The following EIF4G3 variants were observed in gnomAD, a reference collection of about 807,000 sequenced individuals.
EIF4G3 encodes the protein eukaryotic translation initiation factor 4 gamma 3.
Under a neutral mutation model 186.4 loss-of-function variants are expected in EIF4G3, and 34 were observed. The ratio of observed to expected loss-of-function variants is 0.18; its 90% CI spans 0.14 to 0.24. The LOEUF (loss-of-function observed/expected upper bound fraction) is 0.24, where lower values mean the gene tolerates loss of function less well. Ranked by LOEUF, EIF4G3 falls within the 10% of genes least tolerant of loss-of-function variation. EIF4G3 has a pLI of 1.00. For synonymous variants in EIF4G3, 673 were observed against 679.5 expected (o/e 0.99, Z 0.15); for missense variants, 1,536 against 1,948.5 (o/e 0.79, Z 3.99).
intron 4 of EIF4G3, among the ~76,000 whole-genome samples, chr1:21,037,880 A>T (rs2093329638): frequency 6.6e-6 from 1 of 152,222 alleles, no homozygotes; most frequent in South Asian, 2.1e-4. Context: ...ACTGTTCCAC[A>T]GCTTTGTCTC....
chr1:21,176,226 A>ACCG lies in EIF4G3; in HGVS notation c.-326_-324dup, dbSNP rs1553339098. ...CCTGATGTTCGGGTGAGGAGGGGGG[A>ACCG]CCGCTGCCGCCGCCGCCGCCGCCGC... On this transcript the variant is annotated 5_prime_UTR_variant, in exon 2 of 37. Transcript: ENST00000602326. 8.7e-5 allele frequency: 35 copies of ACCG among 400,544 alleles called. No homozygotes were observed. Among genetic ancestry groups the ACCG allele is most frequent in the Non-Finnish European group, 1.4e-4 (32 of 232,792 alleles). 24.8% of individuals were successfully genotyped at this position (400,544 alleles called of 1,614,324 possible).
intron 12 of EIF4G3, among the ~76,000 whole-genome samples, chr1:20,961,020 G>C (rs916021460): frequency 6.6e-6 from 1 of 152,124 alleles, no homozygotes; most frequent in African/African-American, 2.4e-5. Flanking sequence ...AATTAAACAA[G>C]ATACTGTTTT....
intron 20 of EIF4G3, among the ~76,000 whole-genome samples, chr1:20,877,615 C>T (rs2081242983): frequency 6.6e-6 from 1 of 152,140 alleles, no homozygotes; most frequent in African/African-American, 2.4e-5. Context: ...CAAATTGGAC[C>T]TAAAAGGTCT....
At chr1:20,953,639 CAA>C (rs2096300722) in intron 12 of EIF4G3, among the ~76,000 whole-genome samples, 1 of 151,820 alleles carries the variant, frequency 6.6e-6, no homozygotes, top group African/African-American at 2.4e-5. Context: ...TTGTTTTGCA[CAA>C]AAAAGGGGTC....
intron 3 of EIF4G3, among the ~76,000 whole-genome samples, chr1:21,087,601 T>C (rs1284433135): frequency 6.6e-6 from 1 of 151,850 alleles, no homozygotes; most frequent in Non-Finnish European, 1.5e-5. Context: ...CTGACCAACC[T>C]GAGCAACATC....
intron 4 of EIF4G3, among the ~76,000 whole-genome samples, chr1:21,027,168 AT>A (rs1276388658): frequency 6.6e-6 from 1 of 151,102 alleles, no homozygotes; most frequent in African/African-American, 2.4e-5. Flanking sequence ...TGGCTAGTAT[AT>A]ATATGTGTAC....
At chr1:20,980,118 T>C (rs1434763997) in intron 10 of EIF4G3, among the ~76,000 whole-genome samples, 1 of 152,058 alleles carries the variant, frequency 6.6e-6, no homozygotes, top group African/African-American at 2.4e-5. Flanking sequence ...GGATGATCAC[T>C]TGAGCCCAGG....
intron 29 of EIF4G3, among the ~76,000 whole-genome samples, chr1:20,845,846 A>C (rs2070806403): frequency 1.3e-5 from 2 of 152,130 alleles, no homozygotes; most frequent in South Asian, 4.1e-4. Context: ...GTAGAATGTC[A>C]GTGGGAGTTT....
intron 14 of EIF4G3, among the ~76,000 whole-genome samples, chr1:20,920,231 T>A (rs1382439201): frequency 6.6e-6 from 1 of 152,322 alleles, no homozygotes; most frequent in Non-Finnish European, 1.5e-5. Context: ...ACAAATAAAA[T>A]TGATAGTGAC....
chr1:20,823,534 A>G (rs2062906709), intron 33 of EIF4G3, among the ~76,000 whole-genome samples: 1 of 151,902 alleles, frequency 6.6e-6, no homozygotes, highest in African/African-American at 2.4e-5. Context: ...AGGTGCACCA[A>G]TACACCTAGC....
At chr1:21,088,298 T>C (rs572430272) in intron 3 of EIF4G3, among the ~76,000 whole-genome samples, 1 of 151,898 alleles carries the variant, frequency 6.6e-6, no homozygotes, top group Non-Finnish European at 1.5e-5. Context: ...CACACGCCTA[T>C]AATCCCAGCT....
intron 3 of EIF4G3, among the ~76,000 whole-genome samples, chr1:21,058,008 A>G (rs935705320): frequency 6.6e-6 from 1 of 152,222 alleles, no homozygotes; most frequent in African/African-American, 2.4e-5. Context: ...AATTAGGATT[A>G]GTCATTAGGT....
intron 3 of EIF4G3, among the ~76,000 whole-genome samples, chr1:21,061,746 T>G (rs1342160677): frequency 1.3e-5 from 2 of 151,312 alleles, no homozygotes; most frequent in Non-Finnish European, 2.9e-5. Context: ...TGCTTGTTTT[T>G]TTTTTTTTTT....
chr1:20,971,490 A>C (rs1339638181), intron 11 of EIF4G3, among the ~76,000 whole-genome samples: 1 of 152,192 alleles, frequency 6.6e-6, no homozygotes, highest in Non-Finnish European at 1.5e-5. Flanking sequence ...AACTTCTATC[A>C]TGCTGATTCA....
chr1:20,949,356 C>T (rs903595199), intron 13 of EIF4G3, among the ~76,000 whole-genome samples: 1 of 152,178 alleles, frequency 6.6e-6, no homozygotes, highest in African/African-American at 2.4e-5. Flanking sequence ...GAGCAGAGAC[C>T]TTAGTGTACT....
chr1:20,941,897 G>T lies in EIF4G3; in HGVS notation c.1257C>A (p.Ser419Arg). 6.2e-7 allele frequency: 1 copy of T among 1,614,058 alleles called. No individual in the cohort carries two copies. Among genetic ancestry groups the T allele is most frequent in the Non-Finnish European group, 8.5e-7 (1 of 1,179,994 alleles). Residue 419 changes from serine (S) to arginine (R), a missense_variant, in exon 14 of 37, where the codon AGC becomes AGA. By Grantham distance (110) the Ser-to-Arg change is moderately radical. Around this residue, in one of 11 missense-constraint regions of EIF4G3, gnomAD observed 560 missense variants for 547.8 expected, o/e 1.02. Coordinates refer to ENST00000602326, the MANE Select transcript of EIF4G3 (RefSeq NM_001391906.1). ...TGCTCTCCGTGGCTGATAATTTTTC[G>T]CTAACTCCATTTATTTCATTAATTA... is the stretch of plus-strand genomic sequence containing the variant. ...TNLINEINGVSEKLSATESIV... is the reference protein window; with the variant it reads ...TNLINEINGVREKLSATESIV...
chr1:20,870,216 C>A (rs1035812422), intron 20 of EIF4G3, among the ~76,000 whole-genome samples: 2 of 152,010 alleles, frequency 1.3e-5, no homozygotes, highest in African/African-American at 4.8e-5. Context: ...ATTTAACTGC[C>A]TCTCTTTTTC....
chr1:20,972,909 T>G, intron 11 of EIF4G3, 93 bp downstream of exon 11: 2 of 1,014,624 alleles, frequency 2.0e-6, no homozygotes, highest in Non-Finnish European at 1.4e-6. Flanking sequence ...CACAGTAATT[T>G]GTGAATTGAG....
At chr1:21,143,336 G>A (rs1456480672) in intron 2 of EIF4G3, among the ~76,000 whole-genome samples, 1 of 151,438 alleles carries the variant, frequency 6.6e-6, no homozygotes, top group Admixed American at 6.6e-5. Flanking sequence ...CAAAGGAAAG[G>A]AAGAAGGAGA....
Sources: allele counts gnomAD v4.1 joint callset (sites outside exome capture counted in the v4.1 genomes callset), GRCh38; gene constraint gnomAD v4.1.1; regional missense constraint gnomAD v4.1.1; transcripts MANE v1.5; gene names NCBI Gene and HGNC (gene_info 2026-07-23, HGNC 2026-07-21).